Variants in CDK17 observed in about 807,000 individuals in gnomAD.
CDK17 encodes cyclin-dependent kinase 17.
CDK17 carries 24 observed loss-of-function variants against 77.6 expected under a neutral mutation model. The observed-to-expected ratio is 0.31, with a 90% CI of 0.22 to 0.44. The LOEUF (loss-of-function observed/expected upper bound fraction) is 0.44, where lower values mean the gene tolerates loss of function less well. Ranked by LOEUF, CDK17 falls within the 20% of genes least tolerant of loss-of-function variation. The pLI is 1.00. For synonymous variants in CDK17, 203 were observed against 210.4 expected, an observed-to-expected ratio of 0.96 and a Z score of 0.30; for missense variants, 429 against 622.5, an observed-to-expected ratio of 0.69 and a Z score of 3.31.
At chr12:96,323,284 A>C (rs12229635) in intron 3 of CDK17, among the ~76,000 whole-genome samples, 3,896 of 95,900 alleles carry the variant, frequency 0.041, 96 homozygotes, top group Non-Finnish European at 0.056. Flanking sequence ...AAAAAAAAAA[A>C]CAAAAACAAA....
At chr12:96,305,538 T>C (rs997182513) in intron 5 of CDK17, among the ~76,000 whole-genome samples, 14 of 152,162 alleles carry the variant, frequency 9.2e-5, no homozygotes, top group Non-Finnish European at 1.9e-4. Flanking sequence ...AGGTAAGAAA[T>C]GGGAGACTGA....
At chr12:96,368,817 G>GAC (rs1041940965) in intron 1 of CDK17, among the ~76,000 whole-genome samples, 2 of 96,504 alleles carry the variant, frequency 2.1e-5, no homozygotes, top group African/African-American at 3.5e-5. Context: ...GGGGGGGGGG[G>GAC]GGGGGGGCAC....
chr12:96,389,188 T>C (rs1044592695), intron 1 of CDK17, among the ~76,000 whole-genome samples: 3 of 151,798 alleles, frequency 2.0e-5, no homozygotes, highest in Admixed American at 6.6e-5. Flanking sequence ...TTGCCCAGGC[T>C]GGCCTCAAAC....
chr12:96,379,949 G>A lies in CDK17; in HGVS notation c.-30+20037C>T, dbSNP rs535932422. ...TTTGAAAGGCCAAGGCAGGAGGATCGCTTGAGCCAAGGAGTTTGAAACCAG... is the reference window on the plus strand; with the variant it reads ...TTTGAAAGGCCAAGGCAGGAGGATCACTTGAGCCAAGGAGTTTGAAACCAG... On this transcript the variant is annotated intron_variant, in intron 1 of 16. Coordinates refer to ENST00000261211, the MANE Select transcript of CDK17 (RefSeq NM_002595.5). Among the ~76,000 whole-genome samples, 82 of 151,896 alleles carry A rather than the reference G, an allele frequency of 5.4e-4. 2 individuals carry two copies. Among genetic ancestry groups the A allele is most frequent in the South Asian group, 1.7e-3 (8 of 4,814 alleles).
chr12:96,360,138 G>A (rs1251664062), intron 1 of CDK17, among the ~76,000 whole-genome samples: 1 of 152,112 alleles, frequency 6.6e-6, no homozygotes, highest in East Asian at 1.9e-4. Flanking sequence ...ATAATGGAGA[G>A]GAAAGCATAC....
intron 1 of CDK17, among the ~76,000 whole-genome samples, chr12:96,387,851 G>A (rs895339486): frequency 5.9e-5 from 9 of 152,114 alleles, no homozygotes; most frequent in African/African-American, 2.2e-4. Flanking sequence ...GCTGAGGTGG[G>A]AGGATTGCTT....
At chr12:96,295,252 T>G in intron 9 of CDK17, 130 bp from the exon 10 acceptor site, 1 of 589,690 alleles carries the variant, frequency 1.7e-6, no homozygotes, top group South Asian at 2.6e-5. Flanking sequence ...ATTGCATACT[T>G]AAGTACAATG....
intron 1 of CDK17, among the ~76,000 whole-genome samples, chr12:96,336,860 A>G (rs1953047103): frequency 6.6e-6 from 1 of 152,156 alleles, no homozygotes; most frequent in South Asian, 2.1e-4. Context: ...ATTTTCATGA[A>G]CCGAATACAG....
At chr12:96,396,977 TATA>T (rs1416008089) in intron 1 of CDK17, among the ~76,000 whole-genome samples, 2 of 152,168 alleles carry the variant, frequency 1.3e-5, no homozygotes, top group South Asian at 2.1e-4. Context: ...AGATAACTGT[TATA>T]ATATTAAGGG....
chr12:96,358,066 C>T (rs1027759458), intron 1 of CDK17, among the ~76,000 whole-genome samples: 3 of 151,050 alleles, frequency 2.0e-5, no homozygotes, highest in Non-Finnish European at 4.4e-5. Flanking sequence ...AAAAGAAGTC[C>T]CAGAAGACTA....
intron 1 of CDK17, among the ~76,000 whole-genome samples, chr12:96,351,813 T>G (rs1184072052): frequency 6.6e-6 from 1 of 152,196 alleles, no homozygotes; most frequent in Admixed American, 6.5e-5. Flanking sequence ...AATTTCAATA[T>G]GACCTATACC....
intron 10 of CDK17, among the ~76,000 whole-genome samples, 200 bp from the exon 11 acceptor site, chr12:96,289,487 C>T (rs958602307): frequency 6.6e-6 from 1 of 152,138 alleles, no homozygotes; most frequent in Non-Finnish European, 1.5e-5. Context: ...TTGAACTAAA[C>T]AAGAATTCCA....
intron 5 of CDK17, among the ~76,000 whole-genome samples, chr12:96,304,137 A>T (rs958888046): frequency 2.0e-5 from 3 of 152,158 alleles, no homozygotes; most frequent in Admixed American, 6.6e-5. Context: ...ACTATGTTTG[A>T]CCTCACATAA....
At position 96,286,129 on chromosome 12, in the gene CDK17, A is replaced by G; in HGVS notation, c.1236T>C (p.Thr412=). Residue 412 remains threonine, a synonymous_variant, in exon 13 of 17, where the codon ACT becomes ACC. Coordinates refer to ENST00000261211, the MANE Select transcript of CDK17 (RefSeq NM_002595.5). The part of the protein sequence containing the change: ...FRLLGTPSQE[T]WPGISSNEEF... ...CCTCATTTGAAGAAATACCTGGCCA[A>G]GTTTCCTGAGATGGAGTTCCTGAAT... 1 of 1,416,742 alleles carries G rather than the reference A, an allele frequency of 7.1e-7. No homozygotes were observed. Among genetic ancestry groups the G allele is most frequent in the Non-Finnish European group, 9.4e-7 (1 of 1,067,602 alleles). The allele number at this position is 1,416,742 out of a possible 1,614,324, so 87.8% of individuals were successfully genotyped here.
chr12:96,356,123 T>C (rs1953389575), intron 1 of CDK17, among the ~76,000 whole-genome samples: 1 of 152,208 alleles, frequency 6.6e-6, no homozygotes, highest in Non-Finnish European at 1.5e-5. Flanking sequence ...TTACTTAGTC[T>C]TGGGAGGTGT....
chr12:96,285,448 G>T (rs900997202), intron 13 of CDK17, among the ~76,000 whole-genome samples: 2 of 151,986 alleles, frequency 1.3e-5, no homozygotes, highest in Admixed American at 1.3e-4. Flanking sequence ...AATTTGGGGG[G>T]GTTGGGGGCA....
At chr12:96,344,195 T>C (rs987319408) in intron 1 of CDK17, among the ~76,000 whole-genome samples, 2 of 152,178 alleles carry the variant, frequency 1.3e-5, no homozygotes, top group Non-Finnish European at 1.5e-5. Context: ...TAGAGCCTGA[T>C]GAACCTACCG....
intron 2 of CDK17, among the ~76,000 whole-genome samples, chr12:96,331,613 T>C (rs1383103236): frequency 2.0e-5 from 3 of 152,218 alleles, no homozygotes; most frequent in African/African-American, 4.8e-5. Flanking sequence ...AACCTTCATA[T>C]ATGACTCAGT....
chr12:96,399,551 C>G (rs1267241058), intron 1 of CDK17: 4 of 152,208 alleles, frequency 2.6e-5, no homozygotes, highest in African/African-American at 9.6e-5. Flanking sequence ...TCCTTCCCCT[C>G]CCGGGCAGCG....
Sources: gnomAD v4.1 joint callset for allele counts (sites outside exome capture counted in the v4.1 genomes callset) on GRCh38, gnomAD v4.1.1 for gene constraint, MANE v1.5 for transcripts, NCBI Gene and HGNC (gene_info 2026-07-23, HGNC 2026-07-21) for gene names.